NFIB: variants seen among roughly 807,000 people sequenced by gnomAD.
NFIB encodes the protein nuclear factor I B.
A neutral mutation model predicts 61.5 loss-of-function variants in NFIB; 11 were observed. The observed-to-expected ratio is 0.18, with a 90% CI of 0.11 to 0.30. NFIB has a LOEUF of 0.30. Among genes scored for constraint, NFIB ranks in the 10% least tolerant of loss-of-function variants. The pLI, the probability that NFIB is intolerant of heterozygous loss-of-function variation, is 1.00. For missense variants in NFIB, 471 were observed against 608.9 expected (o/e 0.77, Z 2.38); for synonymous variants, 260 against 216.5 (o/e 1.20, Z -1.76).
intron 2 of NFIB, among the ~76,000 whole-genome samples, chr9:14,288,993 A>G (rs937146621): frequency 6.6e-6 from 1 of 151,796 alleles, no homozygotes; most frequent in Admixed American, 6.6e-5. Context: ...ACGGAATCAT[A>G]TTAAACACAT....
intron 1 of NFIB, among the ~76,000 whole-genome samples, chr9:14,345,861 T>C (rs1329532980): frequency 6.6e-6 from 1 of 152,156 alleles, no homozygotes; most frequent in Non-Finnish European, 1.5e-5. Flanking sequence ...CAAAGATGAC[T>C]TAGGGGTTCC....
rs2032852731 is a variant in NFIB at position 14,086,270 on chromosome 9, A to G, written c.*2039T>C. ...CAGAATATATATATATGTATATTAA[A>G]AAAAATCCCCTGTCCATCTCTCAGT... On this transcript the variant is annotated 3_prime_UTR_variant, in exon 11 of 11. Coordinates refer to ENST00000380953, the MANE Select transcript of NFIB (RefSeq NM_001190737.2). 9.0e-6 allele frequency: 2 copies of G among 222,286 alleles called. No homozygotes were observed. The highest frequency in any genetic ancestry group is 1.2e-4 in the Admixed American group (2 of 17,368). 13.8% of individuals were successfully genotyped at this position (222,286 alleles called of 1,614,324 possible). A position where few individuals can be genotyped will look rare whatever the true frequency, so the allele number is the denominator to read the frequency against.
chr9:14,508,931 T>C, the NFIB span, among the ~76,000 whole-genome samples: 1 of 152,236 alleles, frequency 6.6e-6, no homozygotes, highest in African/African-American at 2.4e-5. Context: ...TATAACAATA[T>C]ATTACTTCCT....
intron 6 of NFIB, among the ~76,000 whole-genome samples, chr9:14,132,352 A>T (rs1425857824): frequency 6.6e-6 from 1 of 152,184 alleles, no homozygotes; most frequent in Non-Finnish European, 1.5e-5. Context: ...AGTCTAAATG[A>T]ACCCTATAGA....
intron 3 of NFIB, among the ~76,000 whole-genome samples, chr9:14,177,732 T>A (rs2046338662): frequency 1.3e-5 from 2 of 152,126 alleles, no homozygotes; most frequent in Non-Finnish European, 2.9e-5. Context: ...CAGGACACAG[T>A]CTCAAAAAGG....
chr9:14,481,218 T>TATATATATATATGTATATATATATGTAC, the NFIB span, among the ~76,000 whole-genome samples: 1 of 114,218 alleles, frequency 8.8e-6, no homozygotes, highest in Non-Finnish European at 1.8e-5. Context: ...TATATATATA[T>TATATATATATATGTATATATATATGTAC]ATATATATAT....
intron 6 of NFIB, among the ~76,000 whole-genome samples, chr9:14,142,760 C>A (rs973051647): frequency 1.3e-5 from 2 of 152,018 alleles, no homozygotes; most frequent in East Asian, 3.9e-4. Flanking sequence ...ATTCATTAAT[C>A]ATTAAAATCT....
the NFIB span, among the ~76,000 whole-genome samples, chr9:14,445,389 G>C: frequency 6.4e-4 from 97 of 152,146 alleles, no homozygotes; most frequent in African/African-American, 2.0e-3. Flanking sequence ...TCAAGAGAGT[G>C]TTCTTACCAT....
intron 6 of NFIB, among the ~76,000 whole-genome samples, chr9:14,142,176 A>T (rs2041805481): frequency 1.3e-5 from 2 of 152,074 alleles, no homozygotes; most frequent in African/African-American, 2.4e-5. Flanking sequence ...TTGAATTGTA[A>T]CTCCCACAAT....
intron 2 of NFIB, among the ~76,000 whole-genome samples, chr9:14,287,469 G>C (rs1446465592): frequency 6.6e-6 from 1 of 151,846 alleles, no homozygotes; most frequent in Non-Finnish European, 1.5e-5. Context: ...CGTTGCTCAG[G>C]CCGCAGCGCA....
intron 3 of NFIB, among the ~76,000 whole-genome samples, chr9:14,163,542 A>G (rs1297072400): frequency 1.3e-5 from 2 of 151,962 alleles, no homozygotes; most frequent in African/African-American, 4.8e-5. Flanking sequence ...AACAAAGATA[A>G]TTATAAATGG....
chr9:14,180,963 A>T (rs531945080), intron 2 of NFIB, among the ~76,000 whole-genome samples: 25 of 152,330 alleles, frequency 1.6e-4, no homozygotes, highest in African/African-American at 6.0e-4. Context: ...ATATACTGAC[A>T]AGTCTCTTCC....
intron 2 of NFIB, among the ~76,000 whole-genome samples, chr9:14,279,485 C>A (rs1164385406): frequency 6.6e-6 from 1 of 152,160 alleles, no homozygotes; most frequent in Non-Finnish European, 1.5e-5. Flanking sequence ...AGTGATCAGA[C>A]TGCTCCATAG....
At chr9:14,145,076 T>C (rs898504014) in intron 6 of NFIB, among the ~76,000 whole-genome samples, 2 of 151,992 alleles carry the variant, frequency 1.3e-5, no homozygotes, top group Non-Finnish European at 2.9e-5. Flanking sequence ...GCCTGAAAAA[T>C]AGATTTGGTG....
intron 1 of NFIB, among the ~76,000 whole-genome samples, chr9:14,335,986 T>C (rs897331873): frequency 4.6e-5 from 7 of 152,192 alleles, no homozygotes; most frequent in African/African-American, 1.7e-4. Context: ...TCCACATACA[T>C]GTGGGTCTAT....
chr9:14,419,548 C>G, the NFIB span, among the ~76,000 whole-genome samples: 1 of 152,072 alleles, frequency 6.6e-6, no homozygotes, highest in Non-Finnish European at 1.5e-5. Context: ...GAACAAGAGA[C>G]CCCGTGTTTT....
chr9:14,134,158 G>A (rs1252240830), intron 6 of NFIB, among the ~76,000 whole-genome samples: 1 of 152,148 alleles, frequency 6.6e-6, no homozygotes, highest in African/African-American at 2.4e-5. Flanking sequence ...TTCTGTCAGA[G>A]GACATGCTTT....
chr9:14,504,269 C>T, the NFIB span, among the ~76,000 whole-genome samples: 1 of 152,180 alleles, frequency 6.6e-6, no homozygotes, highest in Non-Finnish European at 1.5e-5. Context: ...GTGATACCTC[C>T]AGACTTGTTC....
the NFIB span, among the ~76,000 whole-genome samples, chr9:14,492,393 T>TAAATAAATAA: frequency 7.8e-6 from 1 of 128,612 alleles, no homozygotes; most frequent in Non-Finnish European, 1.6e-5. Flanking sequence ...TAAATAAATA[T>TAAATAAATAA]TTAAAAAATA....
Sources: gnomAD v4.1 joint callset for allele counts (sites outside exome capture counted in the v4.1 genomes callset) on GRCh38, gnomAD v4.1.1 for gene constraint, MANE v1.5 for transcripts, NCBI Gene and HGNC (gene_info 2026-07-23, HGNC 2026-07-21) for gene names.